Variants in RBFOX1 observed in about 807,000 individuals in gnomAD.
RBFOX1 encodes the protein RNA binding fox-1 homolog 1.
In RBFOX1, 8 loss-of-function variants were observed where a neutral mutation model predicts 57.7. The ratio of observed to expected loss-of-function variants is 0.14; its 90% CI spans 0.08 to 0.25. RBFOX1 has a LOEUF of 0.25. Ranked by LOEUF, RBFOX1 falls within the 10% of genes least tolerant of loss-of-function variation. RBFOX1 has a pLI of 1.00. For synonymous variants in RBFOX1, 326 were observed against 222.4 expected, an observed-to-expected ratio of 1.47 and a Z score of -4.15; for missense variants, 611 against 548.5, an observed-to-expected ratio of 1.11 and a Z score of -1.14.
At chr16:6,633,034 G>A (rs948199979) in intron 2 of RBFOX1, among the ~76,000 whole-genome samples, 1 of 152,104 alleles carries the variant, frequency 6.6e-6, no homozygotes, top group African/African-American at 2.4e-5. Context: ...ATAAATACTT[G>A]ATGTGTTTTC....
chr16:6,263,250 G>A (rs1011766578), intron 1 of RBFOX1, among the ~76,000 whole-genome samples: 3 of 152,144 alleles, frequency 2.0e-5, no homozygotes, highest in Admixed American at 6.5e-5. Flanking sequence ...CATTTGTGTA[G>A]AAGTTCTTAG....
intron 4 of RBFOX1, among the ~76,000 whole-genome samples, chr16:5,907,495 G>A (rs559453742): frequency 1.3e-4 from 20 of 152,222 alleles, no homozygotes; most frequent in African/African-American, 4.6e-4. Flanking sequence ...CTCCTTCAGA[G>A]GGCTTGGGCC....
chr16:5,418,420 C>T (rs905105284), intron 1 of RBFOX1, among the ~76,000 whole-genome samples: 18 of 151,830 alleles, frequency 1.2e-4, no homozygotes, highest in Admixed American at 3.9e-4. Context: ...TCAGGTCCGA[C>T]GTGATCAAGT....
chr16:6,893,020 G>T (rs1312566938), intron 3 of RBFOX1, among the ~76,000 whole-genome samples: 1 of 152,060 alleles, frequency 6.6e-6, no homozygotes, highest in African/African-American at 2.4e-5. Context: ...TGCAAACACT[G>T]CAGTTACCTT....
At chr16:5,817,591 C>G (rs768974980) in intron 3 of RBFOX1, among the ~76,000 whole-genome samples, 1 of 151,550 alleles carries the variant, frequency 6.6e-6, no homozygotes, top group Non-Finnish European at 1.5e-5. Flanking sequence ...TGGGAGAAGC[C>G]CAGCTGGAGA....
intron 4 of RBFOX1, among the ~76,000 whole-genome samples, chr16:7,211,223 C>T (rs552023698): frequency 6.6e-5 from 10 of 151,660 alleles, no homozygotes; most frequent in Non-Finnish European, 1.5e-4. Flanking sequence ...AACCCCGTCT[C>T]TACTAAAAAC....
chr16:6,744,237 T>A (rs1477646852), intron 3 of RBFOX1, among the ~76,000 whole-genome samples: 1 of 152,152 alleles, frequency 6.6e-6, no homozygotes, highest in Non-Finnish European at 1.5e-5. Flanking sequence ...CTGTTGGAAC[T>A]GGAAGGAGAA....
At chr16:5,340,245 T>C (rs1386832456) in intron 1 of RBFOX1, among the ~76,000 whole-genome samples, 1 of 152,236 alleles carries the variant, frequency 6.6e-6, no homozygotes, top group East Asian at 1.9e-4. Flanking sequence ...CATTGTCCTC[T>C]GCCTATTAAG....
intron 3 of RBFOX1, among the ~76,000 whole-genome samples, chr16:6,736,718 CCTTAATGAAT>C (rs1367550547): frequency 2.0e-5 from 3 of 152,100 alleles, no homozygotes; most frequent in Non-Finnish European, 4.4e-5. Flanking sequence ...ACTTTTAGTT[CCTTAATGAAT>C]CTCCACACTG....
chr16:6,900,046 C>T (rs763203583), intron 3 of RBFOX1, among the ~76,000 whole-genome samples: 15 of 152,148 alleles, frequency 9.9e-5, no homozygotes, highest in Non-Finnish European at 1.6e-4. Context: ...CTAGGGTTGT[C>T]GGGAGGATTA....
At chr16:6,131,718 C>G (rs2096631017) in intron 1 of RBFOX1, among the ~76,000 whole-genome samples, 1 of 152,142 alleles carries the variant, frequency 6.6e-6, no homozygotes. Context: ...TTATAAAAGC[C>G]CATTTCCTCC....
intron 3 of RBFOX1, among the ~76,000 whole-genome samples, chr16:5,831,226 C>A (rs989964563): frequency 6.6e-6 from 1 of 151,982 alleles, no homozygotes; most frequent in African/African-American, 2.4e-5. Context: ...GGGGGTGGAT[C>A]CCTCATGATT....
intron 4 of RBFOX1, among the ~76,000 whole-genome samples, chr16:7,485,479 T>C (rs1381217423): frequency 6.6e-6 from 1 of 152,212 alleles, no homozygotes. Context: ...CTCCCACATG[T>C]GCTTTTTTTA....
intron 3 of RBFOX1, among the ~76,000 whole-genome samples, chr16:5,773,554 A>G (rs772398592): frequency 1.3e-5 from 2 of 152,212 alleles, no homozygotes; most frequent in Non-Finnish European, 2.9e-5. Flanking sequence ...ATGGACATTT[A>G]GGATGTTTTC....
At chr16:7,099,904 G>A (rs2062379784) in intron 4 of RBFOX1, among the ~76,000 whole-genome samples, 1 of 152,116 alleles carries the variant, frequency 6.6e-6, no homozygotes, top group Non-Finnish European at 1.5e-5. Flanking sequence ...GACTGTAAAT[G>A]TTTCTTATCA....
intron 4 of RBFOX1, among the ~76,000 whole-genome samples, chr16:5,984,971 TATA>T (rs1316375421): frequency 3.9e-3 from 212 of 53,778 alleles, no homozygotes; most frequent in African/African-American, 7.5e-3. Flanking sequence ...TATATATATA[TATA>T]TATTTTTTTT....
intron 3 of RBFOX1, among the ~76,000 whole-genome samples, chr16:7,038,949 A>G (rs1316736730): frequency 1.3e-5 from 2 of 152,182 alleles, no homozygotes; most frequent in Non-Finnish European, 2.9e-5. Flanking sequence ...CTTTAATCAG[A>G]TAACCAACAC....
intron 2 of RBFOX1, among the ~76,000 whole-genome samples, chr16:6,541,979 C>G (rs533354832): frequency 6.6e-6 from 1 of 151,836 alleles, no homozygotes; most frequent in Non-Finnish European, 1.5e-5. Context: ...TTAGGTCTCA[C>G]TCTGTCACCC....
At chr16:6,913,302 C>T (rs2072191267) in intron 3 of RBFOX1, among the ~76,000 whole-genome samples, 1 of 152,112 alleles carries the variant, frequency 6.6e-6, no homozygotes, top group Non-Finnish European at 1.5e-5. Flanking sequence ...CTGTGTCATG[C>T]TGTTCAAAAG....
Sources: allele counts gnomAD v4.1 joint callset (sites outside exome capture counted in the v4.1 genomes callset), GRCh38; gene constraint gnomAD v4.1.1; transcripts MANE v1.5; gene names NCBI Gene and HGNC (gene_info 2026-07-23, HGNC 2026-07-21).